The following TNFAIP8 variants were observed in gnomAD, a reference collection of about 807,000 sequenced individuals.
TNFAIP8 encodes the protein tumor necrosis factor alpha-induced protein 8.
Under a neutral mutation model 13.3 loss-of-function variants are expected in TNFAIP8, and 7 were observed. That is an observed-to-expected ratio of 0.52 (90% CI 0.30 to 0.99). The LOEUF (loss-of-function observed/expected upper bound fraction) is 0.99, where lower values mean the gene tolerates loss of function less well. Ranked by LOEUF, TNFAIP8 falls within the 50% of genes least tolerant of loss-of-function variation. The pLI, the probability that TNFAIP8 is intolerant of heterozygous loss-of-function variation, is 0.07. For synonymous variants in TNFAIP8, 94 were observed against 87.6 expected (o/e 1.07, Z -0.41); for missense variants, 258 against 236.9 (o/e 1.09, Z -0.58).
chr5:119,294,053 A>G (rs1403820681), intron 1 of TNFAIP8, among the ~76,000 whole-genome samples: 2 of 151,708 alleles, frequency 1.3e-5, no homozygotes, highest in Non-Finnish European at 2.9e-5. Flanking sequence ...CTTTTTTTTA[A>G]ATTTTATTAT....
intron 1 of TNFAIP8, among the ~76,000 whole-genome samples, chr5:119,273,042 A>G (rs533377713): frequency 6.6e-6 from 1 of 152,200 alleles, no homozygotes; most frequent in African/African-American, 2.4e-5. Context: ...AAACATTGGG[A>G]ATAAAGATGA....
At chr5:119,313,748 A>G (rs527734662) in intron 1 of TNFAIP8, among the ~76,000 whole-genome samples, 6 of 152,352 alleles carry the variant, frequency 3.9e-5, no homozygotes, top group African/African-American at 9.6e-5. Context: ...TATTTGGTAC[A>G]TATAAACATA....
rs73790832 is a variant in TNFAIP8 at position 119,361,733 on chromosome 5, C to T, written c.31+5612C>T. On this transcript the variant is annotated intron_variant, in intron 1 of 1. Transcript: ENST00000504771. ...ACCTGCCATTTATGCTTGGTGCCAG[C>T]TCACCTGGCTTCAATATGTGTTTTC... Among the ~76,000 whole-genome samples, 1,257 of 152,308 alleles carry T rather than the reference C, an allele frequency of 8.3e-3. 22 individuals are homozygous for T. The highest frequency in any genetic ancestry group is 0.029 in the African/African-American group (1,189 of 41,568).
intron 1 of TNFAIP8, among the ~76,000 whole-genome samples, chr5:119,324,274 CAAAAAAAAAAAAAAAAAAAAAAAA>C (rs56104829): frequency 9.0e-5 from 7 of 77,670 alleles, no homozygotes; most frequent in Admixed American, 1.5e-4. Flanking sequence ...GACGCCATCT[CAAAAAAAAAAAAAAAAAAAAAAAA>C]AAAAAAAAAA....
At chr5:119,355,945 G>T, upstream of TNFAIP8, 1 of 1,440,196 alleles carries the variant, frequency 6.9e-7, no homozygotes, top group Admixed American at 2.1e-5. Flanking sequence ...ACCAGAACCC[G>T]CTCTCCCGCC....
At chr5:119,357,166 T>A (rs1357847475) in intron 1 of TNFAIP8, among the ~76,000 whole-genome samples, 3 of 152,200 alleles carry the variant, frequency 2.0e-5, no homozygotes, top group Non-Finnish European at 4.4e-5. Flanking sequence ...CCATGTAGTC[T>A]TTGTGGGCTC....
intron 1 of TNFAIP8, among the ~76,000 whole-genome samples, chr5:119,313,315 C>T (rs550033618): frequency 7.2e-5 from 11 of 152,308 alleles, no homozygotes; most frequent in African/African-American, 2.6e-4. Flanking sequence ...AGGAGTTTTA[C>T]AGAAACCTTA....
At chr5:119,282,459 G>T (rs1334446749) in intron 1 of TNFAIP8, among the ~76,000 whole-genome samples, 2 of 152,312 alleles carry the variant, frequency 1.3e-5, no homozygotes, top group East Asian at 3.9e-4. Flanking sequence ...TGAGCAGAAG[G>T]TATGTGGGTG....
At chr5:119,323,863 A>G (rs943262022) in intron 1 of TNFAIP8, among the ~76,000 whole-genome samples, 1 of 152,048 alleles carries the variant, frequency 6.6e-6, no homozygotes, top group Non-Finnish European at 1.5e-5. Flanking sequence ...AATACCTGAG[A>G]CTTGTTGAGA....
chr5:119,269,287 G>C (rs1373863544), intron 1 of TNFAIP8, among the ~76,000 whole-genome samples: 1 of 152,164 alleles, frequency 6.6e-6, no homozygotes, highest in Non-Finnish European at 1.5e-5. Context: ...ACATACTGGC[G>C]AAAGCACTGC....
chr5:119,269,874 G>C (rs1233117379), intron 1 of TNFAIP8, among the ~76,000 whole-genome samples: 2 of 152,152 alleles, frequency 1.3e-5, no homozygotes, highest in Admixed American at 1.3e-4. Context: ...GGAAGCTATG[G>C]TATCATAACA....
intron 1 of TNFAIP8, among the ~76,000 whole-genome samples, chr5:119,333,816 A>AG (rs1171379892): frequency 6.6e-6 from 1 of 152,152 alleles, no homozygotes; most frequent in African/African-American, 2.4e-5. Context: ...GGGTGTGGGG[A>AG]ACCAGTGTTA....
chr5:119,284,985 T>A (rs1313644668), intron 1 of TNFAIP8, among the ~76,000 whole-genome samples: 1 of 152,240 alleles, frequency 6.6e-6, no homozygotes, highest in African/African-American at 2.4e-5. Flanking sequence ...TTACTATCTG[T>A]GCCATCTCTC....
chr5:119,355,505 C>A, upstream of TNFAIP8: 3 of 588,730 alleles, frequency 5.1e-6, no homozygotes, highest in South Asian at 2.0e-5. Context: ...ATGCGACTTT[C>A]CTACAAAAAT....
chr5:119,332,855 G>C (rs1750427083), intron 1 of TNFAIP8, among the ~76,000 whole-genome samples: 1 of 152,094 alleles, frequency 6.6e-6, no homozygotes, highest in South Asian at 2.1e-4. Flanking sequence ...TGTGTGTATT[G>C]TGTATGCCTG....
intron 1 of TNFAIP8, among the ~76,000 whole-genome samples, chr5:119,283,482 G>A (rs1323873858): frequency 6.6e-6 from 1 of 152,152 alleles, no homozygotes; most frequent in Admixed American, 6.6e-5. Context: ...TTAAAAAAAA[G>A]TAATGGAATA....
chr5:119,295,218 AGTCT>A (rs1749134134), intron 1 of TNFAIP8, among the ~76,000 whole-genome samples: 2 of 48,996 alleles, frequency 4.1e-5, no homozygotes, highest in African/African-American at 2.8e-4. Context: ...TCTAACGTTT[AGTCT>A]AACGTTAGAC....
At chr5:119,283,059 G>T (rs1748683073) in intron 1 of TNFAIP8, among the ~76,000 whole-genome samples, 1 of 152,208 alleles carries the variant, frequency 6.6e-6, no homozygotes, top group Non-Finnish European at 1.5e-5. Context: ...AGAGACAGGT[G>T]AGTTGGTGAC....
chr5:119,361,239 C>T (rs967468869), intron 1 of TNFAIP8, among the ~76,000 whole-genome samples: 41 of 152,216 alleles, frequency 2.7e-4, no homozygotes, highest in African/African-American at 8.9e-4. Context: ...CACTGCCCCC[C>T]CAGCCGCTGA....
Sources: allele counts gnomAD v4.1 joint callset (sites outside exome capture counted in the v4.1 genomes callset), GRCh38; gene constraint gnomAD v4.1.1; transcripts MANE v1.5; gene names NCBI Gene and HGNC (gene_info 2026-07-23, HGNC 2026-07-21).